Variants in RNF216 observed in about 807,000 individuals in gnomAD.
The protein encoded by RNF216 is ring finger protein 216.
In RNF216, 72 loss-of-function variants were observed where a neutral mutation model predicts 110.8. The observed-to-expected ratio is 0.65, with a 90% CI of 0.54 to 0.79. The LOEUF is 0.79. RNF216 is among the 30% of genes least tolerant of loss of function. The pLI, the probability that RNF216 is intolerant of heterozygous loss-of-function variation, is 0.00. For synonymous variants in RNF216, 495 were observed against 407.5 expected (o/e 1.21, Z -2.59); for missense variants, 1,342 against 1,141.2 (o/e 1.18, Z -2.54).
intron 2 of RNF216, among the ~76,000 whole-genome samples, chr7:5,760,162 T>C (rs1795856872): frequency 1.3e-5 from 2 of 152,190 alleles, no homozygotes; most frequent in South Asian, 4.1e-4. Flanking sequence ...CATGTAAGAA[T>C]GTTACAGAAA....
At chr7:5,676,171 G>A (rs915901096) in intron 13 of RNF216, among the ~76,000 whole-genome samples, 5 of 151,726 alleles carry the variant, frequency 3.3e-5, no homozygotes, top group South Asian at 2.1e-4. Context: ...CACCAGGCCC[G>A]GCTAATTTTT....
In RNF216 at chr7:5,712,744, A is replaced by G. The variant is rs755485817; in HGVS notation, c.1953T>C (p.Val651=). The G allele has an allele frequency of 6.2e-7, 1 of 1,614,062 alleles. No individual in the cohort carries two copies. The highest frequency in any genetic ancestry group is 8.5e-7 in the Non-Finnish European group (1 of 1,180,006). The part of the protein sequence containing the change: ...KYYERKAEEE[V]AAAYADELVR... ...CAAGCTCGTCGGCGTAGGCTGCCGCAACCTCCTCCTCGGCTTTTCGCTCAT... is the reference window on the plus strand; with the variant it reads ...CAAGCTCGTCGGCGTAGGCTGCCGCGACCTCCTCCTCGGCTTTTCGCTCAT... The change falls in exon 12 of 17, where the codon GTT becomes GTC. Residue 651 remains valine (V), a synonymous_variant. Transcript: ENST00000389902.
chr7:5,765,956 A>AAAG (rs1796186587), intron 1 of RNF216, among the ~76,000 whole-genome samples: 1 of 147,946 alleles, frequency 6.8e-6, no homozygotes, highest in African/African-American at 2.5e-5. Context: ...CTGTCTCAAA[A>AAAG]AAAAAAAAAA....
chr7:5,678,187 T>C (rs1170291023), intron 13 of RNF216, among the ~76,000 whole-genome samples: 4 of 152,166 alleles, frequency 2.6e-5, no homozygotes, highest in Non-Finnish European at 4.4e-5. Context: ...CTTCTGAGGC[T>C]CTGGGGCCCT....
At chr7:5,636,327 A>G (rs957000314) in intron 15 of RNF216, among the ~76,000 whole-genome samples, 5 of 152,208 alleles carry the variant, frequency 3.3e-5, no homozygotes, top group East Asian at 1.9e-4. Flanking sequence ...CACCTTCTTT[A>G]TAAGACTCTT....
intron 13 of RNF216, among the ~76,000 whole-genome samples, chr7:5,685,708 A>G (rs1790935575): frequency 6.6e-6 from 1 of 152,260 alleles, no homozygotes; most frequent in African/African-American, 2.4e-5. Flanking sequence ...TCCCAGCCAC[A>G]TGGCAAGTCA....
intron 1 of RNF216, among the ~76,000 whole-genome samples, chr7:5,779,315 G>A (rs952083240): frequency 6.6e-6 from 1 of 151,984 alleles, no homozygotes; most frequent in Non-Finnish European, 1.5e-5. Flanking sequence ...CTCTAATCAG[G>A]GTAAAAATCT....
In RNF216 at chr7:5,631,827, T is replaced by A. The variant is rs911912751; in HGVS notation, c.2383-7702A>T. On this transcript the variant is annotated intron_variant, in intron 15 of 16. Transcript: ENST00000389902. ...ATCTTTTCCATTGGCTGCTTTTATA[T>A]CCACACTTCACTGTCAAGCCCACTC... 3.3e-5 allele frequency among the ~76,000 whole-genome samples: 5 copies of A among 152,198 alleles called. No individual in the cohort carries two copies. The East Asian group carries it at 7.7e-4, about 23-fold the overall frequency.
intron 3 of RNF216, among the ~76,000 whole-genome samples, chr7:5,751,082 G>A (rs116924666): frequency 0.019 from 2,915 of 152,334 alleles, 42 homozygotes; most frequent in Non-Finnish European, 0.03. Context: ...CCTCCTTAGA[G>A]TCCTAACGGC....
At chr7:5,731,294 C>A (rs1206398668) in intron 5 of RNF216, among the ~76,000 whole-genome samples, 11 of 152,246 alleles carry the variant, frequency 7.2e-5, no homozygotes, top group Non-Finnish European at 1.2e-4. Context: ...ACTTTTTATA[C>A]CCCTGTGGTA....
intron 15 of RNF216, among the ~76,000 whole-genome samples, chr7:5,633,129 G>A (rs888695396): frequency 4.6e-5 from 7 of 151,810 alleles, no homozygotes; most frequent in East Asian, 2.0e-4. Context: ...ACAGGCGTCC[G>A]CCCCATGCCC....
chr7:5,778,982 G>C (rs1221846095), intron 1 of RNF216, among the ~76,000 whole-genome samples: 1 of 152,238 alleles, frequency 6.6e-6, no homozygotes, highest in Non-Finnish European at 1.5e-5. Context: ...GACCTTAGGT[G>C]ATCTGCCCGC....
intron 15 of RNF216, among the ~76,000 whole-genome samples, chr7:5,629,860 GGGTTTA>G (rs1215465908): frequency 6.6e-6 from 1 of 151,422 alleles, no homozygotes; most frequent in Non-Finnish European, 1.5e-5. Flanking sequence ...GAGGGAGGGA[GGGTTTA>G]GGATTGATTT....
chr7:5,701,215 A>G (rs1791947591), intron 13 of RNF216, among the ~76,000 whole-genome samples: 1 of 152,186 alleles, frequency 6.6e-6, no homozygotes, highest in Admixed American at 6.5e-5. Flanking sequence ...AGAATGTATC[A>G]GTTAGCAAAA....
intron 2 of RNF216, among the ~76,000 whole-genome samples, chr7:5,756,698 T>C (rs1176949937): frequency 1.3e-5 from 2 of 152,212 alleles, no homozygotes; most frequent in African/African-American, 2.4e-5. Flanking sequence ...ACAAGTTCTC[T>C]GCAGCCTTGA....
At chr7:5,754,027 A>G (rs953431619) in intron 2 of RNF216, among the ~76,000 whole-genome samples, 1 of 151,892 alleles carries the variant, frequency 6.6e-6, no homozygotes, top group African/African-American at 2.4e-5. Flanking sequence ...AGTGACCTAA[A>G]AGAAGAGAAG....
Position 5,622,842 on chromosome 7 carries a change from A to T in RNF216, c.*18T>A. 2 of 1,582,546 alleles carry T rather than the reference A, an allele frequency of 1.3e-6. No homozygotes were observed. Among genetic ancestry groups the T allele is most frequent in the Non-Finnish European group, 1.7e-6 (2 of 1,162,014 alleles). On this transcript the variant is annotated 3_prime_UTR_variant, in exon 17 of 17. Coordinates refer to ENST00000389902, the MANE Select transcript of RNF216 (RefSeq NM_207111.4). ...ACCCCAAACGGGCTTTGTGCTGCTC[A>T]ATGGGGATTCGGGGCCATCAGAAGC...
chr7:5,633,202 C>G (rs545383587), intron 15 of RNF216, among the ~76,000 whole-genome samples: 5 of 152,060 alleles, frequency 3.3e-5, no homozygotes, highest in African/African-American at 7.2e-5. Context: ...TGGTCTCGAA[C>G]TCCTGACCTT....
At chr7:5,654,924 C>T (rs185001894) in intron 13 of RNF216, among the ~76,000 whole-genome samples, 1 of 152,072 alleles carries the variant, frequency 6.6e-6, no homozygotes, top group Non-Finnish European at 1.5e-5. Context: ...AAACCCTGTG[C>T]CTGACTATTG....
Sources: gnomAD v4.1 joint callset for allele counts (sites outside exome capture counted in the v4.1 genomes callset) on GRCh38, gnomAD v4.1.1 for gene constraint, MANE v1.5 for transcripts, NCBI Gene and HGNC (gene_info 2026-07-23, HGNC 2026-07-21) for gene names.